Variants in PSD3 observed in about 807,000 individuals in gnomAD.
PSD3 encodes the protein PH and SEC7 domain-containing protein 3.
In PSD3, 49 loss-of-function variants were observed where a neutral mutation model predicts 105.5. That is an observed-to-expected ratio of 0.46 (90% CI 0.37 to 0.59). The LOEUF is 0.59. PSD3 is among the 20% of genes least tolerant of loss of function. The pLI is 0.00. For missense variants in PSD3, 1,561 were observed against 1,263.8 expected, an observed-to-expected ratio of 1.24 and a Z score of -3.57; for synonymous variants, 557 against 457.8, an observed-to-expected ratio of 1.22 and a Z score of -2.77.
intron 1 of PSD3, 99 bp from the exon 2 acceptor site, chr8:18,936,241 G>T: frequency 2.5e-6 from 2 of 792,922 alleles, no homozygotes; most frequent in South Asian, 3.0e-5. Flanking sequence ...AAATAATTAT[G>T]ACATATGTAC....
intron 1 of PSD3, among the ~76,000 whole-genome samples, chr8:19,070,157 T>A (rs1258018486): frequency 1.3e-5 from 2 of 151,938 alleles, no homozygotes; most frequent in Admixed American, 6.6e-5. Flanking sequence ...AATCCCTATT[T>A]CAGATGAATT....
intron 1 of PSD3, among the ~76,000 whole-genome samples, chr8:18,974,639 G>A (rs1563478515): frequency 6.6e-6 from 1 of 150,540 alleles, no homozygotes; most frequent in Non-Finnish European, 1.5e-5. Context: ...CAGGGAGACT[G>A]AAGGAACCAA....
chr8:18,558,961 C>A (rs970407882), intron 14 of PSD3, among the ~76,000 whole-genome samples: 1 of 152,062 alleles, frequency 6.6e-6, no homozygotes, highest in African/African-American at 2.4e-5. Context: ...GCTCTAGTTC[C>A]TGTCTTTTAA....
chr8:18,798,117 G>A (rs1810351175), intron 8 of PSD3, among the ~76,000 whole-genome samples: 1 of 152,124 alleles, frequency 6.6e-6, no homozygotes, highest in Non-Finnish European at 1.5e-5. Context: ...GATTGCGGTA[G>A]TCATGTCAAG....
Position 18,812,224 on chromosome 8 carries a change from G to A in PSD3, c.1635-7326C>T, listed in dbSNP as rs4921962. Among the ~76,000 whole-genome samples, 256 of 152,290 alleles carry A rather than the reference G, an allele frequency of 1.7e-3. 7 individuals are homozygous for A. Among genetic ancestry groups the A allele is most frequent in the Admixed American group, 0.016 (238 of 15,296 alleles). On this transcript the variant is annotated intron_variant, in intron 4 of 15. Coordinates refer to ENST00000327040, the MANE Select transcript of PSD3 (RefSeq NM_015310.4). Reference sequence around the variant, plus strand: ...GTTCACATGATGTTTGACAGATGATGAGGAGAGCTGTGTTTCCCTTGACAA... The same window carrying A: ...GTTCACATGATGTTTGACAGATGATAAGGAGAGCTGTGTTTCCCTTGACAA...
chr8:18,668,435 C>G (rs1025573408), intron 9 of PSD3, among the ~76,000 whole-genome samples: 1 of 152,184 alleles, frequency 6.6e-6, no homozygotes, highest in African/African-American at 2.4e-5. Flanking sequence ...CAATGAGGCC[C>G]CACTATGTGA....
chr8:18,774,166 C>T (rs765618892), intron 8 of PSD3, among the ~76,000 whole-genome samples: 4 of 126,586 alleles, frequency 3.2e-5, no homozygotes, highest in African/African-American at 5.0e-5. Flanking sequence ...CATACAGATT[C>T]CTTTAGTTAT....
intron 1 of PSD3, among the ~76,000 whole-genome samples, chr8:18,994,058 T>C (rs1401858692): frequency 6.6e-6 from 1 of 151,932 alleles, no homozygotes; most frequent in Non-Finnish European, 1.5e-5. Flanking sequence ...GTATCCTAGA[T>C]CTACCACTTA....
intron 9 of PSD3, among the ~76,000 whole-genome samples, chr8:18,750,486 A>T (rs543324074): frequency 6.6e-6 from 1 of 152,112 alleles, no homozygotes; most frequent in Non-Finnish European, 1.5e-5. Context: ...TGAGTGTTAC[A>T]ACTCATAAAA....
chr8:18,965,687 T>A (rs1824194720), intron 1 of PSD3, among the ~76,000 whole-genome samples: 1 of 152,118 alleles, frequency 6.6e-6, no homozygotes, highest in Non-Finnish European at 1.5e-5. Flanking sequence ...AAGCTGTAGG[T>A]CAAGCTTGCA....
intron 8 of PSD3, among the ~76,000 whole-genome samples, chr8:18,784,532 G>A (rs888307774): frequency 2.6e-5 from 4 of 152,118 alleles, no homozygotes; most frequent in South Asian, 2.1e-4. Context: ...CCCAAGTTTC[G>A]GGTGTCAATT....
chr8:18,790,850 C>T (rs376044829), intron 8 of PSD3, among the ~76,000 whole-genome samples: 6 of 151,718 alleles, frequency 4.0e-5, no homozygotes, highest in African/African-American at 1.5e-4. Context: ...CCAAAAGCTT[C>T]TCAAGGTGAT....
chr8:18,634,665 T>G (rs934190564), intron 10 of PSD3, among the ~76,000 whole-genome samples: 1 of 152,168 alleles, frequency 6.6e-6, no homozygotes, highest in Admixed American at 6.6e-5. Context: ...ATTGGTCAGT[T>G]ATCTTGTAGA....
chr8:18,938,627 C>CAAA (rs35017140), intron 1 of PSD3, among the ~76,000 whole-genome samples: 2 of 109,476 alleles, frequency 1.8e-5, no homozygotes, highest in South Asian at 2.8e-4. Flanking sequence ...CCGTCTCAAA[C>CAAA]AAAAAAAAAA....
intron 2 of PSD3, among the ~76,000 whole-genome samples, chr8:18,884,873 A>AG (rs1818356684): frequency 6.6e-6 from 1 of 152,210 alleles, no homozygotes; most frequent in Non-Finnish European, 1.5e-5. Context: ...CTGTGAGCTA[A>AG]GGAGTGGCAC....
chr8:18,966,389 G>A (rs1049552726), intron 1 of PSD3, among the ~76,000 whole-genome samples: 5 of 152,022 alleles, frequency 3.3e-5, no homozygotes, highest in African/African-American at 1.2e-4. Context: ...GGCCAACACT[G>A]CGAAATCCCC....
intron 9 of PSD3, among the ~76,000 whole-genome samples, chr8:18,723,727 A>T (rs1036262020): frequency 6.6e-6 from 1 of 152,238 alleles, no homozygotes; most frequent in Non-Finnish European, 1.5e-5. Flanking sequence ...AAAGTACGGT[A>T]GCCTTTTTAA....
chr8:18,989,236 T>C (rs1825667105), intron 1 of PSD3: 1 of 152,184 alleles, frequency 6.6e-6, no homozygotes, highest in Non-Finnish European at 1.5e-5. Flanking sequence ...CATTTTTTGT[T>C]CTAGGACAAT....
intron 13 of PSD3, 78 bp downstream of exon 13, chr8:18,575,050 G>A (rs953566577): frequency 7.0e-7 from 1 of 1,436,092 alleles, no homozygotes; most frequent in Non-Finnish European, 9.3e-7. Context: ...CCCCTGCAGA[G>A]CTTGATTTTG....
Sources: allele counts gnomAD v4.1 joint callset (sites outside exome capture counted in the v4.1 genomes callset), GRCh38; gene constraint gnomAD v4.1.1; transcripts MANE v1.5; gene names NCBI Gene and HGNC (gene_info 2026-07-23, HGNC 2026-07-21).